The following THRB variants were observed in gnomAD, a reference collection of about 807,000 sequenced individuals.
The protein encoded by THRB is thyroid hormone receptor beta, also known as nuclear receptor subfamily 1 group A member 2.
THRB carries 12 observed loss-of-function variants against 47.8 expected under a neutral mutation model. The observed-to-expected ratio is 0.25, with a 90% CI of 0.16 to 0.41. The LOEUF (loss-of-function observed/expected upper bound fraction) is 0.41. Ranked by LOEUF, THRB falls within the 10% of genes least tolerant of loss-of-function variation. The pLI is 1.00. For synonymous variants in THRB, 218 were observed against 212.2 expected (o/e 1.03, Z -0.24); for missense variants, 348 against 589.2 (o/e 0.59, Z 4.24).
chr3:24,385,135 A>G (rs1456028072), intron 1 of THRB, among the ~76,000 whole-genome samples: 2 of 152,134 alleles, frequency 1.3e-5, no homozygotes, highest in Non-Finnish European at 2.9e-5. Flanking sequence ...ATTTTATGAT[A>G]TAATAAGAAT....
chr3:24,294,629 G>A (rs1197427449), intron 3 of THRB, among the ~76,000 whole-genome samples: 1 of 152,170 alleles, frequency 6.6e-6, no homozygotes, highest in Non-Finnish European at 1.5e-5. Context: ...AGGTGACTCT[G>A]AGCGGACAGC....
At chr3:24,438,158 A>G (rs2071159888) in intron 1 of THRB, among the ~76,000 whole-genome samples, 1 of 151,968 alleles carries the variant, frequency 6.6e-6, no homozygotes, top group African/African-American at 2.4e-5. Flanking sequence ...AATGAATGGA[A>G]GGTTACATGG....
At chr3:24,396,420 TTC>T (rs2066968695) in intron 1 of THRB, among the ~76,000 whole-genome samples, 1 of 152,096 alleles carries the variant, frequency 6.6e-6, no homozygotes, top group Admixed American at 6.6e-5. Flanking sequence ...TGCCACAGTA[TTC>T]ACTTCACTCT....
chr3:24,157,612 C>T (rs1223809825), intron 5 of THRB, among the ~76,000 whole-genome samples: 1 of 152,178 alleles, frequency 6.6e-6, no homozygotes, highest in Non-Finnish European at 1.5e-5. Flanking sequence ...TCACTGGAGC[C>T]TTGAACTCCT....
chr3:24,249,467 G>A (rs903320216), intron 3 of THRB, among the ~76,000 whole-genome samples: 4 of 152,098 alleles, frequency 2.6e-5, no homozygotes, highest in African/African-American at 9.7e-5. Context: ...CTCTTAGAGC[G>A]ATATAACCTT....
At chr3:24,333,186 T>G (rs2062033570) in intron 2 of THRB, among the ~76,000 whole-genome samples, 1 of 152,106 alleles carries the variant, frequency 6.6e-6, no homozygotes, top group Non-Finnish European at 1.5e-5. Context: ...GTTTGGTGGA[T>G]GAAAATGCAT....
intron 2 of THRB, among the ~76,000 whole-genome samples, chr3:24,319,698 G>T (rs555233917): frequency 3.3e-5 from 5 of 152,214 alleles, no homozygotes; most frequent in Admixed American, 3.3e-4. Flanking sequence ...TTTAGCATGT[G>T]CATGTTATAG....
chr3:24,449,728 C>A (rs2072458698), intron 1 of THRB, among the ~76,000 whole-genome samples: 1 of 152,120 alleles, frequency 6.6e-6, no homozygotes, highest in African/African-American at 2.4e-5. Context: ...ATATGTGAGA[C>A]TATCTTAATT....
intron 3 of THRB, among the ~76,000 whole-genome samples, chr3:24,284,245 G>A (rs1211513767): frequency 2.6e-5 from 4 of 151,542 alleles, no homozygotes; most frequent in African/African-American, 7.3e-5. Flanking sequence ...ATAGATCAAC[G>A]GAACAGAACA....
chr3:24,488,705 A>G (rs1697682521), intron 1 of THRB, among the ~76,000 whole-genome samples: 3 of 152,304 alleles, frequency 2.0e-5, no homozygotes, highest in Admixed American at 2.0e-4. Flanking sequence ...CTTAACTGCT[A>G]AAAGAATATA....
At chr3:24,218,460 G>A (rs1221051832) in intron 4 of THRB, among the ~76,000 whole-genome samples, 1 of 150,840 alleles carries the variant, frequency 6.6e-6, no homozygotes, top group Non-Finnish European at 1.5e-5. Context: ...CATGAATTAT[G>A]GGAATGGGCT....
At chr3:24,388,790 C>T (rs1183898464) in intron 1 of THRB, among the ~76,000 whole-genome samples, 1 of 152,088 alleles carries the variant, frequency 6.6e-6, no homozygotes, top group East Asian at 1.9e-4. Context: ...AACCTCAAGG[C>T]AGGCTACTTC....
chr3:24,134,449 C>T (rs9310729), intron 8 of THRB, among the ~76,000 whole-genome samples: 56,067 of 151,956 alleles, frequency 0.37, 11,595 homozygotes, highest in African/African-American at 0.57. Flanking sequence ...GTGAGCCAGC[C>T]ACTTTGCACA....
chr3:24,159,340 A>G (rs1464157478), intron 5 of THRB, among the ~76,000 whole-genome samples: 1 of 152,232 alleles, frequency 6.6e-6, no homozygotes, highest in African/African-American at 2.4e-5. Flanking sequence ...GGGAGTGCAA[A>G]ATAAAAGAGA....
intron 1 of THRB, among the ~76,000 whole-genome samples, chr3:24,339,386 G>A (rs933288335): frequency 6.6e-5 from 10 of 152,174 alleles, no homozygotes; most frequent in South Asian, 2.1e-4. Context: ...AAATGACCCC[G>A]TTTTCCAGAT....
chr3:24,168,490 A>AATATATATATATATATATATATAT lies in THRB; in HGVS notation c.284-16001_284-16000insATATATATATATATATATATATAT, dbSNP rs370230507. On this transcript the variant is annotated intron_variant, in intron 5 of 10. Transcript: ENST00000646209. The stretch of plus-strand genomic sequence containing the variant: ...TCCGATTAGAAGTGTTTCAATCAAT[A>AATATATATATATATATATATATAT]ATATATATATATATATATATGCGCC... Among the ~76,000 whole-genome samples, 142 of 137,954 alleles carry AATATATATATATATATATATATAT rather than the reference A, an allele frequency of 1.0e-3. 1 individual carries two copies. The highest frequency in any genetic ancestry group is 3.2e-3 in the African/African-American group (121 of 37,410). 90.5% of individuals were successfully genotyped at this position (137,954 alleles called of 152,430 possible).
intron 2 of THRB, among the ~76,000 whole-genome samples, chr3:24,314,143 T>A (rs1505297): frequency 6.6e-6 from 1 of 151,998 alleles, no homozygotes; most frequent in Non-Finnish European, 1.5e-5. Context: ...TAGATTTTTA[T>A]CTCCATTTCA....
intron 1 of THRB, among the ~76,000 whole-genome samples, chr3:24,447,288 G>T (rs2072191591): frequency 6.6e-6 from 1 of 152,096 alleles, no homozygotes; most frequent in Non-Finnish European, 1.5e-5. Context: ...CAACCCTTAA[G>T]TATGATTGAA....
chr3:24,271,173 G>C (rs745790218), intron 3 of THRB, among the ~76,000 whole-genome samples: 30 of 152,176 alleles, frequency 2.0e-4, no homozygotes, highest in Admixed American at 3.9e-4. Flanking sequence ...TGGAACCAAA[G>C]TGTCATTCCT....
Sources: allele counts gnomAD v4.1 joint callset (sites outside exome capture counted in the v4.1 genomes callset), GRCh38; gene constraint gnomAD v4.1.1; transcripts MANE v1.5; gene names NCBI Gene and HGNC (gene_info 2026-07-23, HGNC 2026-07-21).